Variants in OSBPL2 observed in about 807,000 individuals in gnomAD.
OSBPL2 encodes oxysterol-binding protein-related protein 2.
Under a neutral mutation model 58.4 loss-of-function variants are expected in OSBPL2, and 18 were observed. That is an observed-to-expected ratio of 0.31 (90% CI 0.21 to 0.46). The LOEUF (loss-of-function observed/expected upper bound fraction) is 0.46, where lower values mean the gene tolerates loss of function less well. Ranked by LOEUF, OSBPL2 falls within the 20% of genes least tolerant of loss-of-function variation. The probability of loss-of-function intolerance (pLI) is 1.00; values close to 1 mark genes in which losing one functional copy is unlikely to be tolerated. For synonymous variants in OSBPL2, 221 were observed against 234.1 expected, an observed-to-expected ratio of 0.94 and a Z score of 0.51; for missense variants, 461 against 616.5, an observed-to-expected ratio of 0.75 and a Z score of 2.67.
intron 1 of OSBPL2, among the ~76,000 whole-genome samples, chr20:62,246,616 A>C (rs1244024584): frequency 6.6e-6 from 1 of 152,184 alleles, no homozygotes; most frequent in Non-Finnish European, 1.5e-5. Flanking sequence ...TTGGACACGC[A>C]GGGAGGGATG....
chr20:62,264,618 A>G (rs1335282401), intron 4 of OSBPL2: 10 of 152,032 alleles, frequency 6.6e-5, no homozygotes, highest in Non-Finnish European at 4.4e-5. Context: ...TTTATTTTGA[A>G]ATAATTTTAG....
chr20:62,248,155 CTTTTTTTT>C (rs11470491), intron 1 of OSBPL2, among the ~76,000 whole-genome samples: 1 of 118,854 alleles, frequency 8.4e-6, no homozygotes, highest in Non-Finnish European at 1.7e-5. Context: ...CTTTTCTTTT[CTTTTTTTT>C]TTTTTTTTTG....
At chr20:62,282,336 C>CT (rs1982848539) in intron 9 of OSBPL2, among the ~76,000 whole-genome samples, 1 of 152,178 alleles carries the variant, frequency 6.6e-6, no homozygotes, top group Non-Finnish European at 1.5e-5. Flanking sequence ...AAATCAGGGA[C>CT]TTTCGCAAGT....
intron 10 of OSBPL2, chr20:62,285,178 G>A (rs989931517): frequency 6.6e-6 from 1 of 152,190 alleles, no homozygotes; most frequent in East Asian, 1.9e-4. Flanking sequence ...CATTTGTGCT[G>A]TTAGACACCT....
At chr20:62,266,982 C>T (rs151253156) in intron 4 of OSBPL2, among the ~76,000 whole-genome samples, 202 of 152,256 alleles carry the variant, frequency 1.3e-3, no homozygotes, top group Non-Finnish European at 2.4e-3. Flanking sequence ...GCCAGGCGTG[C>T]GACGGCTCAC....
In OSBPL2 at chr20:62,287,005, G is replaced by T. The variant is rs1025874285; in HGVS notation, c.1125+294G>T. Among the ~76,000 whole-genome samples, 9 of 152,264 alleles carry T rather than the reference G, an allele frequency of 5.9e-5. No individual in the cohort carries two copies. The East Asian group carries it at 1.7e-3, about 29-fold the overall frequency. On this transcript the variant is annotated intron_variant, in intron 11 of 13. Transcript: ENST00000313733. ...GCATGCTCAGCTGCGTGTCAGAGCT[G>T]CCCGCCGGGCACACATGCTTGTGCT... is the stretch of plus-strand genomic sequence containing the variant.
Position 62,294,316 on chromosome 20 carries a change from G to A in OSBPL2, c.*429G>A, listed in dbSNP as rs1431597711. The A allele has an allele frequency of 5.9e-6, 1 of 169,760 alleles. No homozygotes were observed. The highest frequency in any genetic ancestry group is 1.7e-4 in the East Asian group (1 of 5,822). 10.5% of individuals were successfully genotyped at this position (169,760 alleles called of 1,614,324 possible). A position where few individuals can be genotyped will look rare whatever the true frequency, so the allele number is the denominator to read the frequency against. On this transcript the variant is annotated 3_prime_UTR_variant, in exon 14 of 14. Coordinates refer to ENST00000313733, the MANE Select transcript of OSBPL2 (RefSeq NM_144498.4). ...AACTCGAACCAGTGGGGGAAAGATG[G>A]ATCTTGAAGCTAATCCTGCAGAGAG...
intron 3 of OSBPL2, among the ~76,000 whole-genome samples, chr20:62,262,292 T>C (rs1981370283): frequency 6.6e-6 from 1 of 152,246 alleles, no homozygotes; most frequent in African/African-American, 2.4e-5. Flanking sequence ...CCCCGAGCCC[T>C]GTTGCCTCCC....
At chr20:62,270,435 G>A (rs1187621278) in intron 4 of OSBPL2, among the ~76,000 whole-genome samples, 2 of 99,016 alleles carry the variant, frequency 2.0e-5, no homozygotes, top group Non-Finnish European at 4.0e-5. Context: ...TCCTCTCCTT[G>A]TCCCTCTCTG....
At chr20:62,287,065 C>G (rs748655280) in intron 11 of OSBPL2, among the ~76,000 whole-genome samples, 1 of 152,246 alleles carries the variant, frequency 6.6e-6, no homozygotes, top group Admixed American at 6.5e-5. Context: ...TGGCCATTGC[C>G]GGCCAAGTGC....
At chr20:62,282,822 G>C (rs1266846048) in intron 9 of OSBPL2, among the ~76,000 whole-genome samples, 1 of 152,212 alleles carries the variant, frequency 6.6e-6, no homozygotes, top group Non-Finnish European at 1.5e-5. Context: ...GCAAGAGGCT[G>C]TCTCAAAAAA....
intron 3 of OSBPL2, among the ~76,000 whole-genome samples, chr20:62,262,224 GTGGTCACTCACC>G (rs1981364616): frequency 6.6e-6 from 1 of 152,162 alleles, no homozygotes. Flanking sequence ...AGTGCACCAT[GTGGTCACTCACC>G]TCTTAGGAAG....
Position 62,293,815 on chromosome 20 carries a change from T to G in OSBPL2, c.1371T>G (p.Thr457=), listed in dbSNP as rs765494151. ...RWFYPGNNPY[T]GTPDWLYAGD... ...TCTACCCAGGCAATAACCCCTACACTGGGACCCCCGACTGGTTGTATGCAG... is the reference window on the plus strand; with the variant it reads ...TCTACCCAGGCAATAACCCCTACACGGGGACCCCCGACTGGTTGTATGCAG... Residue 457 remains threonine (T), a synonymous_variant, in exon 14 of 14, where the codon ACT becomes ACG. Coordinates refer to ENST00000313733, the MANE Select transcript of OSBPL2 (RefSeq NM_144498.4). The G allele has an allele frequency of 2.5e-6, 4 of 1,614,006 alleles. No homozygotes were observed. The highest frequency in any genetic ancestry group is 3.3e-5 in the Admixed American group (2 of 60,006).
rs777454605 is a variant in OSBPL2 at position 62,279,312 on chromosome 20, G to A, written c.647G>A (p.Arg216Gln). ...GGCAAAAGCGTGGAGGCGGAGCCCC[G>A]AGGCACCATCACCCTGGAGCTGCTC... ...FWGKSVEAEP[R>Q]GTITLELLKH... is the part of the protein sequence containing the mutation. The change falls in exon 7 of 14, where the codon CGA (arginine) becomes CAA (glutamine). Residue 216 changes from arginine (R) to glutamine (Q), a missense_variant. Arg to Gln is a conservative substitution (Grantham distance 43). This residue lies in a region of OSBPL2 where 319 missense variants were observed against 419.2 expected (regional missense o/e 0.76). Transcript: ENST00000313733. 1.3e-5 allele frequency: 21 copies of A among 1,614,062 alleles called. No individual in the cohort carries two copies. Among genetic ancestry groups the A allele is most frequent in the South Asian group, 5.5e-5 (5 of 91,082 alleles).
At chr20:62,258,008 C>G (rs1175957567) in intron 2 of OSBPL2, among the ~76,000 whole-genome samples, 1 of 152,198 alleles carries the variant, frequency 6.6e-6, no homozygotes, top group Non-Finnish European at 1.5e-5. Context: ...AGCCACTGCG[C>G]CTGGCCAACT....
chr20:62,257,215 G>C (rs1980982888), intron 2 of OSBPL2, among the ~76,000 whole-genome samples: 1 of 152,202 alleles, frequency 6.6e-6, no homozygotes, highest in Non-Finnish European at 1.5e-5. Flanking sequence ...TGTGTCAGGA[G>C]GGTCTCTGTG....
chr20:62,258,221 C>T (rs1289373049), intron 2 of OSBPL2, among the ~76,000 whole-genome samples: 1 of 152,202 alleles, frequency 6.6e-6, no homozygotes, highest in African/African-American at 2.4e-5. Context: ...TTTTCCCCCT[C>T]AGTTCTTGGG....
At chr20:62,247,535 G>A (rs1191162936) in intron 1 of OSBPL2, among the ~76,000 whole-genome samples, 1 of 152,232 alleles carries the variant, frequency 6.6e-6, no homozygotes, top group African/African-American at 2.4e-5. Flanking sequence ...GAAAGTCTCT[G>A]CCAGTGGCTT....
chr20:62,284,995 A>G (rs556111185), intron 10 of OSBPL2: 4 of 152,376 alleles, frequency 2.6e-5, no homozygotes, highest in Admixed American at 1.3e-4. Flanking sequence ...TGGAATACTC[A>G]TTATCTTAAG....
Sources: gnomAD v4.1 joint callset for allele counts (sites outside exome capture counted in the v4.1 genomes callset) on GRCh38, gnomAD v4.1.1 for gene constraint, gnomAD v4.1.1 regional missense constraint, MANE v1.5 for transcripts, NCBI Gene and HGNC (gene_info 2026-07-23, HGNC 2026-07-21) for gene names.